The following MARK3 variants were observed in gnomAD, a reference collection of about 807,000 sequenced individuals.
MARK3 encodes MAP/microtubule affinity-regulating kinase 3.
In MARK3, 46 loss-of-function variants were observed where a neutral mutation model predicts 90.1. The observed-to-expected ratio is 0.51, with a 90% CI of 0.40 to 0.65. The LOEUF (loss-of-function observed/expected upper bound fraction) is 0.65, where lower values mean the gene tolerates loss of function less well. Ranked by LOEUF, MARK3 falls within the 30% of genes least tolerant of loss-of-function variation. The pLI, the probability that MARK3 is intolerant of heterozygous loss-of-function variation, is 0.00. For missense variants in MARK3, 818 were observed against 947.2 expected, an observed-to-expected ratio of 0.86 and a Z score of 1.79; for synonymous variants, 321 against 332.6, an observed-to-expected ratio of 0.97 and a Z score of 0.38.
At chr14:103,406,997 C>T (rs2091339395) in intron 2 of MARK3, among the ~76,000 whole-genome samples, 1 of 152,080 alleles carries the variant, frequency 6.6e-6, no homozygotes, top group South Asian at 2.1e-4. Context: ...CTGCACCCGG[C>T]TAATTTTTTG....
chr14:103,487,308 C>T (rs757289728), intron 14 of MARK3, among the ~76,000 whole-genome samples: 2 of 151,356 alleles, frequency 1.3e-5, no homozygotes, highest in African/African-American at 2.4e-5. Context: ...TGGGCCATGA[C>T]GAAACCCTAT....
At chr14:103,397,318 G>A (rs2090639143) in intron 1 of MARK3, among the ~76,000 whole-genome samples, 1 of 146,254 alleles carries the variant, frequency 6.8e-6, no homozygotes, top group Admixed American at 7.1e-5. Flanking sequence ...GAAAGTTACT[G>A]AATAAACATT....
chr14:103,406,958 C>G (rs532643519), intron 2 of MARK3, among the ~76,000 whole-genome samples: 6 of 151,794 alleles, frequency 4.0e-5, no homozygotes, highest in Admixed American at 6.6e-5. Flanking sequence ...CTCAGCCTCC[C>G]GAGTAGCTGG....
intron 13 of MARK3, among the ~76,000 whole-genome samples, chr14:103,479,628 C>CT (rs34768749): frequency 0.58 from 44,160 of 76,296 alleles, 14,492 homozygotes; most frequent in East Asian, 0.79. Flanking sequence ...ATACGTATAG[C>CT]TTTTTTTTTT....
chr14:103,459,186 A>T (rs2093344366), intron 6 of MARK3, among the ~76,000 whole-genome samples: 1 of 152,208 alleles, frequency 6.6e-6, no homozygotes, highest in South Asian at 2.1e-4. Context: ...AACATGTGTG[A>T]AGATGGCTTA....
chr14:103,410,251 T>A (rs556974948), intron 2 of MARK3, among the ~76,000 whole-genome samples: 1 of 151,994 alleles, frequency 6.6e-6, no homozygotes, highest in Non-Finnish European at 1.5e-5. Context: ...TCTTGATACA[T>A]GAAGGGCGTG....
At chr14:103,496,900 G>C (rs910368161) in intron 15 of MARK3, among the ~76,000 whole-genome samples, 2 of 151,710 alleles carry the variant, frequency 1.3e-5, no homozygotes, top group African/African-American at 4.9e-5. Flanking sequence ...TAATTAGCCA[G>C]GAGTGGTGGT....
At chr14:103,499,961 C>T in intron 16 of MARK3, 195 bp from the exon 17 acceptor site, 1 of 607,234 alleles carries the variant, frequency 1.6e-6, no homozygotes. Context: ...CACACCCCTG[C>T]AGCCTTGTGG....
chr14:103,449,333 T>C (rs1290235005), intron 4 of MARK3, among the ~76,000 whole-genome samples: 2 of 146,482 alleles, frequency 1.4e-5, no homozygotes. Context: ...TCCAGCACTT[T>C]GGGAAACCAA....
At chr14:103,460,149 G>A (rs910259251) in intron 6 of MARK3, among the ~76,000 whole-genome samples, 1 of 127,858 alleles carries the variant, frequency 7.8e-6, no homozygotes, top group African/African-American at 3.1e-5. Context: ...GCAGTGGCGC[G>A]ATCTCGGCTC....
chr14:103,433,365 G>T (rs928850029), intron 3 of MARK3, among the ~76,000 whole-genome samples: 3 of 151,996 alleles, frequency 2.0e-5, no homozygotes, highest in African/African-American at 7.2e-5. Flanking sequence ...GGGATTACTG[G>T]CCTGAGCCAC....
At chr14:103,495,299 G>A (rs2075279048) in intron 15 of MARK3, among the ~76,000 whole-genome samples, 1 of 152,154 alleles carries the variant, frequency 6.6e-6, no homozygotes, top group Admixed American at 6.5e-5. Flanking sequence ...GGCCAACATG[G>A]TGAAACCCCA....
chr14:103,470,472 T>TTTTTTTTTTTTTTTTTTTTTTC (rs1595836589), intron 12 of MARK3, among the ~76,000 whole-genome samples: 1 of 137,232 alleles, frequency 7.3e-6, no homozygotes, highest in Non-Finnish European at 1.6e-5. Context: ...TTTTTTTTTT[T>TTTTTTTTTTTTTTTTTTTTTTC]GAGATGGAGT....
intron 13 of MARK3, among the ~76,000 whole-genome samples, chr14:103,479,949 C>A (rs747704176): frequency 6.6e-6 from 1 of 151,958 alleles, no homozygotes; most frequent in Non-Finnish European, 1.5e-5. Context: ...CGTTGTATAG[C>A]TTTTTTAAAG....
chr14:103,405,133 G>T lies in MARK3; in HGVS notation c.109G>T (p.Ala37Ser), dbSNP rs772097999. 5.0e-6 allele frequency: 8 copies of T among 1,613,958 alleles called. No homozygotes were observed. The South Asian group carries it at 8.8e-5, about 18-fold the overall frequency. ...EVTSRTSRSG[A>S]RCRNSIASCA... Reference sequence around the variant, plus strand: ...TACCTCTCGTACCAGCCGCTCAGGAGCTCGGTGTAGAAACTCTATAGCCTC... The same window carrying T: ...TACCTCTCGTACCAGCCGCTCAGGATCTCGGTGTAGAAACTCTATAGCCTC... The change falls in exon 2 of 18, where the codon GCT (alanine) becomes TCT (serine). Residue 37 changes from alanine (A) to serine (S), a missense_variant. By Grantham distance (99) the Ala-to-Ser change is moderately conservative. This residue lies in a region of MARK3 where 157 missense variants were observed against 158.7 expected (regional missense o/e 0.99). Coordinates refer to ENST00000429436, the MANE Select transcript of MARK3 (RefSeq NM_001128918.3).
intron 5 of MARK3, among the ~76,000 whole-genome samples, chr14:103,456,409 T>C (rs1046253720): frequency 2.6e-5 from 4 of 152,220 alleles, no homozygotes; most frequent in African/African-American, 9.6e-5. Context: ...CCTCATGAAC[T>C]ACCCTCTTCC....
In MARK3 at chr14:103,426,928, T is replaced by G. The variant is rs185110429; in HGVS notation, c.244-1459T>G. On this transcript the variant is annotated intron_variant, in intron 2 of 17. Coordinates refer to ENST00000429436, the MANE Select transcript of MARK3 (RefSeq NM_001128918.3). ...AAAAAAATTTTTAAAGTTTTCAGAT[T>G]CAATACCCACCTATTTGTATGCTTA... 2.6e-3 allele frequency among the ~76,000 whole-genome samples: 399 copies of G among 151,934 alleles called. 2 individuals are homozygous for G. Among genetic ancestry groups the G allele is most frequent in the Non-Finnish European group, 3.7e-3 (253 of 67,984 alleles).
At chr14:103,453,426 C>T (rs1031700769) in intron 5 of MARK3, among the ~76,000 whole-genome samples, 15 of 152,170 alleles carry the variant, frequency 9.9e-5, no homozygotes, top group African/African-American at 3.4e-4. Flanking sequence ...ATCCATGTTA[C>T]AAAACCTGAA....
chr14:103,389,634 G>A (rs1391208919), intron 1 of MARK3, among the ~76,000 whole-genome samples: 1 of 148,992 alleles, frequency 6.7e-6, no homozygotes, highest in African/African-American at 2.5e-5. Context: ...TCCACCCTTA[G>A]TGAATGGGTA....
Sources: gnomAD v4.1 joint callset for allele counts (sites outside exome capture counted in the v4.1 genomes callset) on GRCh38, gnomAD v4.1.1 for gene constraint, gnomAD v4.1.1 regional missense constraint, MANE v1.5 for transcripts, NCBI Gene and HGNC (gene_info 2026-07-23, HGNC 2026-07-21) for gene names.